PEAK1: variants seen among roughly 807,000 people sequenced by gnomAD.
The protein encoded by PEAK1 is inactive tyrosine-protein kinase PEAK1.
In PEAK1, 54 loss-of-function variants were observed where a neutral mutation model predicts 124.7. That is an observed-to-expected ratio of 0.43 (90% CI 0.35 to 0.54). PEAK1 has a LOEUF of 0.54. Among genes scored for constraint, PEAK1 ranks in the 20% least tolerant of loss-of-function variants. PEAK1 has a pLI of 0.01. For missense variants in PEAK1, 2,046 were observed against 2,134.5 expected, an observed-to-expected ratio of 0.96 and a Z score of 0.82; for synonymous variants, 719 against 760.0, an observed-to-expected ratio of 0.95 and a Z score of 0.89.
chr15:77,194,385 T>G (rs943796146), intron 6 of PEAK1, among the ~76,000 whole-genome samples: 2 of 152,164 alleles, frequency 1.3e-5, no homozygotes, highest in African/African-American at 4.8e-5. Context: ...ATAATACATT[T>G]AAACTCCTTA....
chr15:77,392,189 C>CT (rs1339192235), intron 1 of PEAK1, among the ~76,000 whole-genome samples: 1 of 152,154 alleles, frequency 6.6e-6, no homozygotes, highest in Non-Finnish European at 1.5e-5. Context: ...GTTCGCAAAA[C>CT]TGAACTAAAA....
intron 6 of PEAK1, among the ~76,000 whole-genome samples, chr15:77,234,256 A>G (rs1159363858): frequency 3.9e-5 from 6 of 152,162 alleles, no homozygotes; most frequent in Non-Finnish European, 8.8e-5. Context: ...TCCTTTTTAA[A>G]TTACCAATAT....
chr15:77,182,799 T>C (rs1248226080), intron 6 of PEAK1, among the ~76,000 whole-genome samples: 2 of 141,012 alleles, frequency 1.4e-5, no homozygotes, highest in South Asian at 2.3e-4. Flanking sequence ...GGCCAGATCA[T>C]GCAAGGCCTT....
At chr15:77,247,012 C>T (rs1370444966) in intron 6 of PEAK1, among the ~76,000 whole-genome samples, 4 of 151,798 alleles carry the variant, frequency 2.6e-5, no homozygotes, top group Non-Finnish European at 4.4e-5. Context: ...TGTGAGACTC[C>T]GTCTCAAAAA....
intron 6 of PEAK1, among the ~76,000 whole-genome samples, chr15:77,185,325 C>T (rs558965602): frequency 1.1e-4 from 17 of 152,090 alleles, no homozygotes; most frequent in Non-Finnish European, 1.8e-4. Context: ...TTAGGAATTA[C>T]TAGTATAGAG....
At chr15:77,216,978 T>C (rs973919175) in intron 6 of PEAK1, among the ~76,000 whole-genome samples, 1 of 151,974 alleles carries the variant, frequency 6.6e-6, no homozygotes, top group Non-Finnish European at 1.5e-5. Flanking sequence ...CTCACACCTG[T>C]AATCTCAGCA....
chr15:77,107,975 A>G (rs538674014), downstream of PEAK1: 4 of 152,414 alleles, frequency 2.6e-5, no homozygotes, highest in Admixed American at 2.6e-4. Context: ...AAAGAGAAAT[A>G]TAATCCATGT....
At chr15:77,282,891 C>G (rs1197122435) in intron 5 of PEAK1, among the ~76,000 whole-genome samples, 1 of 152,122 alleles carries the variant, frequency 6.6e-6, no homozygotes, top group Admixed American at 6.6e-5. Context: ...GGGTCCTCTT[C>G]ATCTTTTCCT....
intron 2 of PEAK1, among the ~76,000 whole-genome samples, chr15:77,294,021 C>T (rs1057188176): frequency 1.3e-5 from 2 of 152,176 alleles, no homozygotes; most frequent in Non-Finnish European, 2.9e-5. Context: ...AGCATTACCT[C>T]TGCATTCATG....
chr15:77,120,868 G>A (rs571439238), intron 9 of PEAK1, among the ~76,000 whole-genome samples: 1 of 152,208 alleles, frequency 6.6e-6, no homozygotes, highest in African/African-American at 2.4e-5. Context: ...CTACCCTCCA[G>A]GTGTTCTCTC....
intron 9 of PEAK1, among the ~76,000 whole-genome samples, chr15:77,120,966 G>A (rs1181338770): frequency 6.6e-6 from 1 of 152,194 alleles, no homozygotes; most frequent in African/African-American, 2.4e-5. Context: ...ATCAGAGAGA[G>A]GAAGTGCTAA....
rs114509333 is a variant in PEAK1, at chr15:77,218,260, C to A, written c.-115+34107G>T. Among the ~76,000 whole-genome samples, 771 of 152,204 alleles carry A rather than the reference C, an allele frequency of 5.1e-3. 8 individuals carry two copies. The highest frequency in any genetic ancestry group is 0.017 in the African/African-American group (725 of 41,528). On this transcript the variant is annotated intron_variant, in intron 6 of 9. Coordinates refer to ENST00000682557, the MANE Select transcript of PEAK1 (RefSeq NM_001385026.1). ...ATCTGTAGATTTTTTTGGTAGATAA[C>A]CTCAATCAGGTTGAGGAAATTTCTT...
chr15:77,321,354 A>G (rs1048649719), intron 2 of PEAK1, among the ~76,000 whole-genome samples: 3 of 152,290 alleles, frequency 2.0e-5, no homozygotes, highest in Non-Finnish European at 4.4e-5. Context: ...TCGCCATTCT[A>G]ACTGGTGTGA....
chr15:77,178,916 T>G lies in PEAK1; in HGVS notation c.3011A>C (p.Gln1004Pro), dbSNP rs1428105102. ...TGCCTGGTCTGTCCTAGCCTTGCTC[T>G]GATCCACACTGAGCTGGCCTTGAGC... ...DPAQGQLSVD[Q>P]SKARTDQAAV... Residue 1004 changes from glutamine (Q) to proline (P), a missense_variant, in exon 7 of 10, where the codon CAG (glutamine) becomes CCG (proline). Transcript: ENST00000682557. 5 of 1,614,064 alleles carry G rather than the reference T, an allele frequency of 3.1e-6. No individual in the cohort carries two copies. Among genetic ancestry groups the G allele is most frequent in the African/African-American group, 2.7e-5 (2 of 75,002 alleles).
At chr15:77,293,343 T>C (rs1478836728) in intron 2 of PEAK1, among the ~76,000 whole-genome samples, 1 of 152,254 alleles carries the variant, frequency 6.6e-6, no homozygotes, top group African/African-American at 2.4e-5. Context: ...TTTTGATATA[T>C]ATGTCCATTC....
At chr15:77,342,771 T>C (rs1009412323) in intron 2 of PEAK1, among the ~76,000 whole-genome samples, 1 of 152,194 alleles carries the variant, frequency 6.6e-6, no homozygotes, top group African/African-American at 2.4e-5. Context: ...TTCTTCCATG[T>C]TGTAGCATGT....
chr15:77,322,896 C>T (rs903526715), intron 2 of PEAK1, among the ~76,000 whole-genome samples: 1 of 152,208 alleles, frequency 6.6e-6, no homozygotes, highest in African/African-American at 2.4e-5. Flanking sequence ...AAAATACTAG[C>T]AAACCGAATC....
In PEAK1 at chr15:77,259,452, T is replaced by C. The variant is rs540892478; in HGVS notation, c.-274-6926A>G. 3.9e-5 allele frequency among the ~76,000 whole-genome samples: 6 copies of C among 152,322 alleles called. No homozygotes were observed. The East Asian group carries it at 9.6e-4, about 24-fold the overall frequency. ...GATTTAAAGTTTGTAATGGGCTCTC[T>C]GATTTGAAAAATAAATAATAGTTCC... On this transcript the variant is annotated intron_variant, in intron 5 of 9. Transcript: ENST00000682557.
At chr15:77,299,623 C>G (rs1343902862) in intron 2 of PEAK1, among the ~76,000 whole-genome samples, 1 of 152,166 alleles carries the variant, frequency 6.6e-6, no homozygotes, top group Non-Finnish European at 1.5e-5. Context: ...CTTTCATAAT[C>G]TTTATGAATT....
Sources: gnomAD v4.1 joint callset for allele counts (sites outside exome capture counted in the v4.1 genomes callset) on GRCh38, gnomAD v4.1.1 for gene constraint, MANE v1.5 for transcripts, NCBI Gene and HGNC (gene_info 2026-07-23, HGNC 2026-07-21) for gene names.